CHN2: variants seen among roughly 807,000 people sequenced by gnomAD.
CHN2 encodes the protein chimerin 2.
CHN2 carries 35 observed loss-of-function variants against 56.3 expected under a neutral mutation model. The ratio of observed to expected loss-of-function variants is 0.62; its 90% confidence interval spans 0.47 to 0.82. CHN2 has a LOEUF of 0.82. CHN2 is among the 40% of genes least tolerant of loss of function. The pLI, the probability that CHN2 is intolerant of heterozygous loss-of-function variation, is 0.00. For synonymous variants in CHN2, 210 were observed against 212.8 expected (o/e 0.99, Z 0.12); for missense variants, 491 against 580.5 (o/e 0.85, Z 1.58).
At chr7:29,315,117 G>T (rs933530621) in intron 1 of CHN2, among the ~76,000 whole-genome samples, 2 of 152,044 alleles carry the variant, frequency 1.3e-5, no homozygotes, top group Admixed American at 6.6e-5. Context: ...GGGAAACAAA[G>T]CGATGTATTT....
chr7:29,297,089 G>T (rs1793219128), intron 1 of CHN2, among the ~76,000 whole-genome samples: 1 of 152,144 alleles, frequency 6.6e-6, no homozygotes, highest in Non-Finnish European at 1.5e-5. Flanking sequence ...AAGACACTTT[G>T]AAGAGTGAGA....
intron 6 of CHN2, among the ~76,000 whole-genome samples, chr7:29,430,408 C>G (rs1245020428): frequency 6.6e-6 from 1 of 152,182 alleles, no homozygotes; most frequent in African/African-American, 2.4e-5. Context: ...ATCAGGCAGT[C>G]CCTAGAACCA....
At chr7:29,311,263 T>G (rs1024505316) in intron 1 of CHN2, among the ~76,000 whole-genome samples, 4 of 152,206 alleles carry the variant, frequency 2.6e-5, no homozygotes, top group African/African-American at 9.6e-5. Flanking sequence ...ACCGACAACC[T>G]GGCAAATGTG....
chr7:29,197,918 G>C (rs147407230), intron 1 of CHN2: 8 of 456,214 alleles, frequency 1.8e-5, no homozygotes, highest in Middle Eastern at 3.3e-4. Flanking sequence ...GAATTTTTCC[G>C]GAAAACAAAT....
intron 3 of CHN2, among the ~76,000 whole-genome samples, chr7:29,368,425 A>G (rs534137416): frequency 3.9e-5 from 6 of 152,324 alleles, no homozygotes; most frequent in South Asian, 4.1e-4. Context: ...TTAAAATAAT[A>G]AAGCCTTACA....
At chr7:29,149,054 C>T (rs574155431) in intron 2 of CHN2, among the ~76,000 whole-genome samples, 2 of 152,080 alleles carry the variant, frequency 1.3e-5, no homozygotes, top group African/African-American at 2.4e-5. Context: ...CGACACCAGG[C>T]GTGTTCAGGG....
chr7:29,304,835 GTGTCGTC>G (rs1356075370), intron 1 of CHN2, among the ~76,000 whole-genome samples: 1 of 152,210 alleles, frequency 6.6e-6, no homozygotes. Flanking sequence ...GTTTAAATAA[GTGTCGTC>G]TGCATTTTGA....
chr7:29,417,600 C>G (rs1428372461), intron 6 of CHN2, among the ~76,000 whole-genome samples: 4 of 152,044 alleles, frequency 2.6e-5, no homozygotes, highest in African/African-American at 9.7e-5. Context: ...TAGGTTGAAC[C>G]GTAATGCCAC....
intron 3 of CHN2, among the ~76,000 whole-genome samples, chr7:29,390,816 G>C (rs1801304750): frequency 6.6e-6 from 1 of 152,176 alleles, no homozygotes; most frequent in African/African-American, 2.4e-5. Flanking sequence ...GAGGTTCTTA[G>C]TCTCTTGGCA....
At chr7:29,415,255 G>A (rs117388851) in intron 6 of CHN2, among the ~76,000 whole-genome samples, 2,273 of 152,210 alleles carry the variant, frequency 0.015, 14 homozygotes, top group Non-Finnish European at 0.023. Flanking sequence ...ACATAAACAC[G>A]GAGCGACAGG....
chr7:29,263,813 A>AGGGGCGTCTCTGACCG (rs1789811217), intron 1 of CHN2, among the ~76,000 whole-genome samples: 1 of 137,138 alleles, frequency 7.3e-6, no homozygotes, highest in Non-Finnish European at 1.6e-5. Flanking sequence ...CTGGGAGGTG[A>AGGGGCGTCTCTGACCG]GGGGCGTCTC....
intron 7 of CHN2, among the ~76,000 whole-genome samples, chr7:29,493,155 T>A (rs1174524604): frequency 6.6e-6 from 1 of 152,190 alleles, no homozygotes; most frequent in South Asian, 2.1e-4. Flanking sequence ...TTTAGATATG[T>A]TCAGGTACAT....
chr7:29,485,546 C>T (rs776990116), intron 7 of CHN2, among the ~76,000 whole-genome samples: 3 of 152,212 alleles, frequency 2.0e-5, no homozygotes, highest in East Asian at 1.9e-4. Context: ...CAAGAATCCT[C>T]GTGGGTAGGT....
chr7:29,213,042 G>T (rs1785076420), intron 1 of CHN2: 4 of 1,606,494 alleles, frequency 2.5e-6, no homozygotes, highest in Non-Finnish European at 3.4e-6. Context: ...AGGAATCTCT[G>T]CAGTCCTGCA....
At chr7:29,220,346 A>G (rs1369231696) in intron 1 of CHN2, among the ~76,000 whole-genome samples, 2 of 151,696 alleles carry the variant, frequency 1.3e-5, no homozygotes, top group Non-Finnish European at 2.9e-5. Flanking sequence ...ACGATATATA[A>G]TATTTGAAAA....
intron 1 of CHN2, among the ~76,000 whole-genome samples, chr7:29,259,642 A>T (rs771869762): frequency 3.2e-4 from 49 of 152,340 alleles, no homozygotes; most frequent in Middle Eastern, 6.8e-3. Flanking sequence ...GGGACCTAAC[A>T]TATAGCATGG....
intron 3 of CHN2, among the ~76,000 whole-genome samples, chr7:29,372,508 A>G (rs940568193): frequency 2.6e-5 from 4 of 152,212 alleles, no homozygotes; most frequent in African/African-American, 9.7e-5. Context: ...TACAACCTCC[A>G]GAGACTTCAT....
rs1262816157 is a variant in CHN2 at position 29,511,007 on chromosome 7, TGGAG to T, written c.1236-1553_1236-1550del. On this transcript the variant is annotated intron_variant, in intron 12 of 12. Coordinates refer to ENST00000222792, the MANE Select transcript of CHN2 (RefSeq NM_004067.4). ...GGTCGATGAATTGGTGTTATAACATTGGAGGGATCAGGGCACATCTGTGTGCCTC... is the reference window on the plus strand; with the variant it reads ...GGTCGATGAATTGGTGTTATAACATTGGATCAGGGCACATCTGTGTGCCTC... Among the ~76,000 whole-genome samples, 4 of 152,260 alleles carry T rather than the reference TGGAG, an allele frequency of 2.6e-5. No homozygotes were observed. The East Asian group carries it at 7.7e-4, about 29-fold the overall frequency.
At chr7:29,310,976 T>C (rs977270396) in intron 1 of CHN2, among the ~76,000 whole-genome samples, 2 of 152,228 alleles carry the variant, frequency 1.3e-5, no homozygotes, top group Non-Finnish European at 2.9e-5. Flanking sequence ...AAGAAAACTA[T>C]TGAAAGAATT....
Sources: allele counts gnomAD v4.1 joint callset (sites outside exome capture counted in the v4.1 genomes callset), GRCh38; gene constraint gnomAD v4.1.1; transcripts MANE v1.5; gene names NCBI Gene and HGNC (gene_info 2026-07-23, HGNC 2026-07-21).